FLVCR2: variants seen among roughly 807,000 people sequenced by gnomAD.
FLVCR2 encodes choline/ethanolamine transporter FLVCR2.
FLVCR2 carries 38 observed loss-of-function variants against 48.9 expected under a neutral mutation model. That is an observed-to-expected ratio of 0.78 (90% CI 0.60 to 1.02). The LOEUF is 1.02. Among genes scored for constraint, FLVCR2 ranks in the 50% least tolerant of loss-of-function variants. FLVCR2 has a pLI of 0.00. For missense variants in FLVCR2, 664 were observed against 663.3 expected (o/e 1.00, Z -0.01); for synonymous variants, 255 against 257.0 (o/e 0.99, Z 0.07).
At chr14:75,621,316 G>A (rs762884616) in intron 1 of FLVCR2, among the ~76,000 whole-genome samples, 4 of 151,890 alleles carry the variant, frequency 2.6e-5, no homozygotes, top group Non-Finnish European at 5.9e-5. Flanking sequence ...GCTGAGGCAG[G>A]AGAATTGCTT....
chr14:75,641,679 G>A (rs551413965), intron 8 of FLVCR2, among the ~76,000 whole-genome samples, 164 bp from the exon 9 acceptor site: 2 of 152,212 alleles, frequency 1.3e-5, no homozygotes, highest in African/African-American at 2.4e-5. Flanking sequence ...AGTGATCCTC[G>A]GGCTCTCTCA....
intron 1 of FLVCR2, among the ~76,000 whole-genome samples, chr14:75,591,917 A>G (rs991497693): frequency 4.5e-4 from 68 of 149,482 alleles, no homozygotes; most frequent in African/African-American, 1.6e-3. Flanking sequence ...GGCTCAATCA[A>G]TCTTCCAGCC....
chr14:75,624,554 A>T, intron 2 of FLVCR2, 58 bp from the exon 3 acceptor site: 1 of 1,605,172 alleles, frequency 6.2e-7, no homozygotes, highest in South Asian at 1.1e-5. Flanking sequence ...ATGTGGAACC[A>T]GCTCTTCTGG....
At chr14:75,597,849 T>C (rs1422596511) in intron 1 of FLVCR2, among the ~76,000 whole-genome samples, 1 of 152,118 alleles carries the variant, frequency 6.6e-6, no homozygotes, top group Non-Finnish European at 1.5e-5. Context: ...GGATTGCAGG[T>C]GTGAGCCACC....
chr14:75,589,048 A>AT (rs111820159), intron 1 of FLVCR2, among the ~76,000 whole-genome samples: 2,377 of 149,148 alleles, frequency 0.016, 23 homozygotes, highest in African/African-American at 0.022. Flanking sequence ...CCTGGACAAC[A>AT]TTTTTTTTTT....
chr14:75,596,031 G>A (rs991535328), intron 1 of FLVCR2: 4 of 1,361,750 alleles, frequency 2.9e-6, no homozygotes, highest in African/African-American at 1.4e-5. Context: ...AGTTTTGAAT[G>A]CAAATACAAA....
intron 1 of FLVCR2, among the ~76,000 whole-genome samples, chr14:75,582,352 G>A (rs541271307): frequency 2.0e-5 from 3 of 152,302 alleles, no homozygotes; most frequent in East Asian, 1.9e-4. Context: ...TAGTCCCTTC[G>A]CAAGAGTGAG....
intron 1 of FLVCR2, among the ~76,000 whole-genome samples, chr14:75,585,672 T>A (rs115636433): frequency 6.6e-6 from 1 of 152,012 alleles, no homozygotes; most frequent in African/African-American, 2.4e-5. Flanking sequence ...GTCCCCGCGG[T>A]GGTCAGACAC....
chr14:75,610,685 G>T (rs2140026620), intron 1 of FLVCR2, among the ~76,000 whole-genome samples: 1 of 152,306 alleles, frequency 6.6e-6, no homozygotes, highest in South Asian at 2.1e-4. Flanking sequence ...TCCCTTCTGA[G>T]TAGGGTGCCT....
intron 3 of FLVCR2, 144 bp downstream of exon 3, chr14:75,624,896 G>A: frequency 1.1e-6 from 1 of 939,024 alleles, no homozygotes; most frequent in Non-Finnish European, 1.7e-6. Context: ...ACCCAGCTAT[G>A]CCCAAGGGCC....
intron 1 of FLVCR2, among the ~76,000 whole-genome samples, chr14:75,590,607 G>C (rs1888856977): frequency 6.6e-6 from 1 of 152,168 alleles, no homozygotes; most frequent in Admixed American, 6.5e-5. Flanking sequence ...GCATGGTTTA[G>C]CACTGTCTCC....
At chr14:75,588,689 G>T (rs1470430739) in intron 1 of FLVCR2, among the ~76,000 whole-genome samples, 1 of 152,126 alleles carries the variant, frequency 6.6e-6, no homozygotes, top group East Asian at 1.9e-4. Flanking sequence ...ATGTTGGCCA[G>T]GATGGTCTTG....
chr14:75,582,707 G>A (rs2140001957), intron 1 of FLVCR2, among the ~76,000 whole-genome samples: 1 of 152,278 alleles, frequency 6.6e-6, no homozygotes, highest in African/African-American at 2.4e-5. Context: ...ATCTTGTGTG[G>A]GGGCAGCTTC....
intron 5 of FLVCR2, among the ~76,000 whole-genome samples, chr14:75,638,157 C>G (rs1419505827): frequency 1.3e-5 from 2 of 152,180 alleles, no homozygotes; most frequent in Non-Finnish European, 2.9e-5. Context: ...TTTGCTGGGC[C>G]AGGCGCAGTG....
chr14:75,621,084 T>C (rs561809621), intron 1 of FLVCR2, among the ~76,000 whole-genome samples: 5 of 152,288 alleles, frequency 3.3e-5, no homozygotes, highest in Admixed American at 2.0e-4. Flanking sequence ...AAGCCAAGCC[T>C]TTCTGACCTC....
chr14:75,592,911 G>C (rs1167908507), intron 1 of FLVCR2, among the ~76,000 whole-genome samples: 2 of 152,206 alleles, frequency 1.3e-5, no homozygotes, highest in Non-Finnish European at 2.9e-5. Flanking sequence ...CTAAGGCATG[G>C]ACACAATGCA....
At chr14:75,598,160 A>T (rs573195763) in intron 1 of FLVCR2, among the ~76,000 whole-genome samples, 21 of 151,988 alleles carry the variant, frequency 1.4e-4, no homozygotes, top group Non-Finnish European at 2.9e-4. Flanking sequence ...GGGTTGATTT[A>T]TGATACGTTT....
chr14:75,625,959 A>C (rs1447489660), intron 3 of FLVCR2, among the ~76,000 whole-genome samples: 2 of 151,912 alleles, frequency 1.3e-5, no homozygotes, highest in African/African-American at 4.9e-5. Context: ...GTTCAAATAC[A>C]AGTTTGTCTA....
intron 1 of FLVCR2, among the ~76,000 whole-genome samples, chr14:75,608,202 C>A (rs1889345506): frequency 6.6e-6 from 1 of 152,206 alleles, no homozygotes; most frequent in African/African-American, 2.4e-5. Context: ...TGCCTTTACA[C>A]CGGCTCATGG....
Sources: gnomAD v4.1 joint callset for allele counts (sites outside exome capture counted in the v4.1 genomes callset) on GRCh38, gnomAD v4.1.1 for gene constraint, MANE v1.5 for transcripts, NCBI Gene and HGNC (gene_info 2026-07-23, HGNC 2026-07-21) for gene names.